DMGDH: variants seen among roughly 807,000 people sequenced by gnomAD.
DMGDH encodes the protein dimethylglycine dehydrogenase.
Under a neutral mutation model 95.2 loss-of-function variants are expected in DMGDH, and 76 were observed. The ratio of observed to expected loss-of-function variants is 0.80; its 90% CI spans 0.66 to 0.97. DMGDH has a LOEUF of 0.97. DMGDH is among the 50% of genes least tolerant of loss of function. The pLI is 0.00. For synonymous variants in DMGDH, 345 were observed against 377.6 expected (o/e 0.91, Z 1.00); for missense variants, 987 against 1,055.0 (o/e 0.94, Z 0.89).
In DMGDH at chr5:79,044,387, C is replaced by T; in HGVS notation, c.911G>A (p.Arg304Lys). The T allele has an allele frequency of 6.2e-7, 1 of 1,614,168 alleles. No individual in the cohort carries two copies. Among genetic ancestry groups the T allele is most frequent in the Non-Finnish European group, 8.5e-7 (1 of 1,180,012 alleles). The change falls in exon 6 of 16, where the codon AGG (arginine) becomes AAG (lysine). Residue 304 changes from arginine (R) to lysine (K), a missense_variant. Coordinates refer to ENST00000255189, the MANE Select transcript of DMGDH (RefSeq NM_013391.3). ...LEGSYYLRQE[R>K]DGLLFGPYES... ...ATATGGACCAAACAAAAGCCCATCC[C>T]TTTCCTGTCGGAGATAATATGATCC...
intron 7 of DMGDH, among the ~76,000 whole-genome samples, chr5:79,034,004 C>T (rs957276339): frequency 6.6e-6 from 1 of 152,068 alleles, no homozygotes; most frequent in Admixed American, 6.5e-5. Flanking sequence ...CTCGGTGATC[C>T]TTGACTCCTA....
intron 1 of DMGDH, among the ~76,000 whole-genome samples, chr5:79,067,769 T>C (rs570504169): frequency 6.6e-6 from 1 of 152,280 alleles, no homozygotes; most frequent in African/African-American, 2.4e-5. Flanking sequence ...TTAGGAGCCA[T>C]GCAAAAAACC....
intron 12 of DMGDH, among the ~76,000 whole-genome samples, chr5:79,027,411 T>C (rs1353932821): frequency 6.6e-6 from 1 of 152,186 alleles, no homozygotes; most frequent in Non-Finnish European, 1.5e-5. Context: ...GAAAGAGCTA[T>C]GGTCTTTAAT....
At chr5:79,066,348 C>T (rs1036423811) in intron 1 of DMGDH, among the ~76,000 whole-genome samples, 5 of 151,978 alleles carry the variant, frequency 3.3e-5, no homozygotes, top group African/African-American at 7.2e-5. Context: ...TGCAGTGGCA[C>T]GATCTCGGCT....
Position 79,028,505 on chromosome 5 carries a change from A to G in DMGDH, c.1960T>C (p.Phe654Leu). 1 of 1,614,178 alleles carries G rather than the reference A, an allele frequency of 6.2e-7. No individual in the cohort carries two copies. The highest frequency in any genetic ancestry group is 1.3e-5 in the African/African-American group (1 of 75,056). Residue 654 changes from phenylalanine (F) to leucine (L), a missense_variant, in exon 12 of 16, where the codon TTC becomes CTC. Physicochemically the swap from Phe to Leu is conservative, Grantham distance 22. Coordinates refer to ENST00000255189, the MANE Select transcript of DMGDH (RefSeq NM_013391.3). ...LTSEDLSDDV[F>L]KFLQTKSLKV... ...AAGGACTTGGTTTGAAGAAACTTGA[A>G]AACATCATCACTAAGATCTTCAGAG...
rs745609729 is a variant in DMGDH, at chr5:79,032,743, A to AT, written c.1460dup (p.His487GlnfsTer30). On this transcript the variant is annotated frameshift_variant, in exon 9 of 16. Coordinates refer to ENST00000255189, the MANE Select transcript of DMGDH (RefSeq NM_013391.3). LOFTEE classifies it high-confidence loss of function. Reference sequence around the variant, plus strand: ...ACCAGTGCGGCTGCTCCCAGCCAGCATGGAACCCCATGGAACACTTAGACT... The same window carrying AT: ...ACCAGTGCGGCTGCTCCCAGCCAGCATTGGAACCCCATGGAACACTTAGACT... 1.9e-6 allele frequency: 3 copies of AT among 1,614,048 alleles called. No individual in the cohort carries two copies. The highest frequency in any genetic ancestry group is 2.5e-6 in the Non-Finnish European group (3 of 1,180,032).
At chr5:79,002,496 T>G (rs1439883969) in intron 15 of DMGDH, among the ~76,000 whole-genome samples, 1 of 152,240 alleles carries the variant, frequency 6.6e-6, no homozygotes, top group Non-Finnish European at 1.5e-5. Context: ...CAATATACTT[T>G]ATTTATTTTG....
At chr5:79,017,420 T>C (rs1047802731) in intron 14 of DMGDH, among the ~76,000 whole-genome samples, 2 of 152,128 alleles carry the variant, frequency 1.3e-5, no homozygotes, top group Admixed American at 6.5e-5. Flanking sequence ...TCCAACATCA[T>C]TTGACATTAA....
chr5:79,018,353 A>G (rs1016543837), intron 14 of DMGDH, among the ~76,000 whole-genome samples: 6 of 152,236 alleles, frequency 3.9e-5, no homozygotes, highest in Non-Finnish European at 7.3e-5. Context: ...ATTAATAAAC[A>G]TAACAACACA....
At chr5:79,040,439 G>A (rs939695125) in intron 7 of DMGDH, among the ~76,000 whole-genome samples, 8 of 152,186 alleles carry the variant, frequency 5.3e-5, no homozygotes, top group Non-Finnish European at 1.0e-4. Context: ...CCTACCTCAC[G>A]TCATATGCAA....
At position 79,051,379 on chromosome 5, in the gene DMGDH, G is replaced by A. The variant is rs982915639; in HGVS notation, c.653C>T (p.Pro218Leu). ...TGACCTGGCTTTCAGAGAAGTTACT[G>A]GTGCAGGATATTTTAAAAGGGCACC... ...KCGALLKYPA[P>L]VTSLKARSDG... The change falls in exon 5 of 16, where the codon CCA becomes CTA. Residue 218 changes from proline (P) to leucine (L), a missense_variant. By Grantham distance (98) the Pro-to-Leu change is moderately conservative. Transcript: ENST00000255189. 2 of 1,614,142 alleles carry A rather than the reference G, an allele frequency of 1.2e-6. No homozygotes were observed. The highest frequency in any genetic ancestry group is 1.6e-4 in the Middle Eastern group (1 of 6,062).
chr5:79,021,794 G>A (rs1364198024), intron 14 of DMGDH: 42 of 1,102,798 alleles, frequency 3.8e-5, no homozygotes, highest in Non-Finnish European at 4.9e-5. Context: ...TTCTTGGGCA[G>A]TCTTTCAAGT....
chr5:79,033,473 A>G, intron 7 of DMGDH, 65 bp from the exon 8 acceptor site: 2 of 1,584,542 alleles, frequency 1.3e-6, no homozygotes. Flanking sequence ...AACATAATCA[A>G]ACTATTTTAT....
chr5:79,029,486 GA>G (rs1754094158), intron 11 of DMGDH, among the ~76,000 whole-genome samples: 1 of 152,206 alleles, frequency 6.6e-6, no homozygotes, highest in African/African-American at 2.4e-5. Flanking sequence ...GATAATTTAG[GA>G]AGACAGCTTA....
At chr5:79,039,984 G>C (rs1377862201) in intron 7 of DMGDH, among the ~76,000 whole-genome samples, 1 of 134,526 alleles carries the variant, frequency 7.4e-6, no homozygotes, top group African/African-American at 2.7e-5. Context: ...TCTTCCATTT[G>C]GCTACTCCTG....
intron 7 of DMGDH, among the ~76,000 whole-genome samples, chr5:79,033,943 C>A (rs1341083617): frequency 6.6e-6 from 1 of 151,934 alleles, no homozygotes; most frequent in African/African-American, 2.4e-5. Context: ...AAAAACAAAA[C>A]AAAACAAAAA....
chr5:79,033,695 G>A (rs190116906), intron 7 of DMGDH, among the ~76,000 whole-genome samples: 2 of 152,278 alleles, frequency 1.3e-5, no homozygotes, highest in African/African-American at 4.8e-5. Flanking sequence ...TGTAATCCCA[G>A]CACTTTGGAA....
intron 1 of DMGDH, among the ~76,000 whole-genome samples, chr5:79,066,387 G>A (rs889766833): frequency 5.3e-5 from 8 of 151,804 alleles, no homozygotes; most frequent in African/African-American, 1.9e-4. Context: ...CCAGGTTCAT[G>A]CCATTCTCCT....
At chr5:79,005,890 T>A (rs1250764078) in intron 14 of DMGDH, among the ~76,000 whole-genome samples, 1 of 152,160 alleles carries the variant, frequency 6.6e-6, no homozygotes, top group Admixed American at 6.6e-5. Context: ...GTCTCTGGAA[T>A]GTATTTACCT....
Sources: gnomAD v4.1 joint callset for allele counts (sites outside exome capture counted in the v4.1 genomes callset) on GRCh38, gnomAD v4.1.1 for gene constraint, MANE v1.5 for transcripts, NCBI Gene and HGNC (gene_info 2026-07-23, HGNC 2026-07-21) for gene names.